The following PIKFYVE variants were observed in gnomAD, a reference collection of about 807,000 sequenced individuals.
PIKFYVE encodes 1-phosphatidylinositol 3-phosphate 5-kinase.
Under a neutral mutation model 257.9 loss-of-function variants are expected in PIKFYVE, and 122 were observed. The observed-to-expected ratio is 0.47, with a 90% CI of 0.41 to 0.55. The LOEUF (loss-of-function observed/expected upper bound fraction) is 0.55, where lower values mean the gene tolerates loss of function less well. PIKFYVE is among the 20% of genes least tolerant of loss of function. The probability of loss-of-function intolerance (pLI) is 0.00; values close to 1 mark genes in which losing one functional copy is unlikely to be tolerated. For synonymous variants in PIKFYVE, 892 were observed against 868.9 expected, an observed-to-expected ratio of 1.03 and a Z score of -0.47; for missense variants, 2,160 against 2,536.6, an observed-to-expected ratio of 0.85 and a Z score of 3.19.
At chr2:208,293,314 ATCTGTTACATCAAC>A (rs1692555932) in intron 7 of PIKFYVE, among the ~76,000 whole-genome samples, 1 of 152,174 alleles carries the variant, frequency 6.6e-6, no homozygotes, top group African/African-American at 2.4e-5. Context: ...AGAAATAGTT[ATCTGTTACATCAAC>A]TAAGAGTAAG....
intron 3 of PIKFYVE, among the ~76,000 whole-genome samples, chr2:208,275,677 C>A (rs1690011603): frequency 1.3e-5 from 2 of 152,196 alleles, no homozygotes; most frequent in Admixed American, 1.3e-4. Flanking sequence ...CCCAACCTCT[C>A]ATTTCTTTGT....
intron 1 of PIKFYVE, among the ~76,000 whole-genome samples, chr2:208,267,525 GAGAC>G (rs1400015963): frequency 5.1e-4 from 2 of 3,916 alleles, no homozygotes; most frequent in Non-Finnish European, 7.8e-4. Context: ...TTTTTTTTGA[GAGAC>G]AGAGTCTCGC....
At chr2:208,309,145 C>CT (rs553887895) in intron 12 of PIKFYVE, among the ~76,000 whole-genome samples, 6 of 148,396 alleles carry the variant, frequency 4.0e-5, no homozygotes, top group Non-Finnish European at 3.0e-5. Flanking sequence ...GAGTTGTTCA[C>CT]TTTTTTTTTT....
chr2:208,293,266 T>A (rs1692548585), intron 7 of PIKFYVE, among the ~76,000 whole-genome samples: 1 of 152,156 alleles, frequency 6.6e-6, no homozygotes, highest in Non-Finnish European at 1.5e-5. Context: ...TAAGCATGCG[T>A]ACATACATAA....
At chr2:208,271,747 C>G (rs1174586019) in intron 2 of PIKFYVE, 56 bp downstream of exon 2, 3 of 1,535,338 alleles carry the variant, frequency 2.0e-6, no homozygotes, top group African/African-American at 1.4e-5. Flanking sequence ...TGAAATGCTC[C>G]TTTGTCTCCA....
intron 17 of PIKFYVE, 86 bp downstream of exon 17, chr2:208,320,445 TCTAG>T (rs1168151688): frequency 7.8e-6 from 12 of 1,530,142 alleles, no homozygotes; most frequent in Non-Finnish European, 1.1e-5. Flanking sequence ...TTGACTTAAT[TCTAG>T]CTAATTAAAT....
chr2:208,314,935 G>C (rs954001721), intron 14 of PIKFYVE, among the ~76,000 whole-genome samples: 6 of 151,958 alleles, frequency 3.9e-5, no homozygotes, highest in Non-Finnish European at 7.4e-5. Context: ...AACTGTGCTT[G>C]TCTGTCCCCA....
intron 27 of PIKFYVE, 65 bp from the exon 28 acceptor site, chr2:208,336,773 A>G (rs1361035109): frequency 3.8e-6 from 4 of 1,060,324 alleles, no homozygotes; most frequent in African/African-American, 3.2e-5. Context: ...GAGAAAATTT[A>G]TAAACAGCAC....
intron 12 of PIKFYVE, among the ~76,000 whole-genome samples, chr2:208,308,705 G>T (rs1418954330): frequency 9.9e-6 from 1 of 100,838 alleles, no homozygotes. Context: ...AACACTAGTA[G>T]TTGGTTTTTT....
In PIKFYVE at chr2:208,348,424, A is replaced by G. The variant is rs148498261; in HGVS notation, c.5374+401A>G. 2.7e-3 allele frequency among the ~76,000 whole-genome samples: 406 copies of G among 152,166 alleles called. 1 individual carries two copies. The highest frequency in any genetic ancestry group is 8.8e-3 in the African/African-American group (365 of 41,510). On this transcript the variant is annotated intron_variant, in intron 35 of 41. Transcript: ENST00000264380. Reference sequence around the variant, plus strand: ...TTCAAGTCCCTGTAAAGTTGCAGCTATTTATGTCCCCTTTCATTTTGACAT... The same window carrying G: ...TTCAAGTCCCTGTAAAGTTGCAGCTGTTTATGTCCCCTTTCATTTTGACAT...
intron 2 of PIKFYVE, among the ~76,000 whole-genome samples, chr2:208,272,739 A>C (rs1689594012): frequency 6.6e-6 from 1 of 152,086 alleles, no homozygotes; most frequent in African/African-American, 2.4e-5. Context: ...TTTATTTATG[A>C]TCATGTTTAA....
At chr2:208,340,161 G>A (rs762304223) in intron 31 of PIKFYVE, 30 bp downstream of exon 31, 2 of 1,611,960 alleles carry the variant, frequency 1.2e-6, no homozygotes, top group South Asian at 1.1e-5. Flanking sequence ...GTGGCTCTTA[G>A]CAGGGGGGTT....
intron 31 of PIKFYVE, among the ~76,000 whole-genome samples, chr2:208,342,173 G>A (rs1362719933): frequency 6.6e-6 from 1 of 152,168 alleles, no homozygotes; most frequent in Non-Finnish European, 1.5e-5. Flanking sequence ...TGTGATAATA[G>A]TAAAGTGGTT....
intron 11 of PIKFYVE, 83 bp from the exon 12 acceptor site, chr2:208,304,763 C>A: frequency 2.9e-6 from 4 of 1,360,700 alleles, no homozygotes; most frequent in Non-Finnish European, 4.2e-6. Flanking sequence ...AAACATTTTT[C>A]TCCTTTCCTC....
At chr2:208,268,185 A>T (rs1034500433) in intron 1 of PIKFYVE, among the ~76,000 whole-genome samples, 6 of 152,050 alleles carry the variant, frequency 3.9e-5, no homozygotes, top group South Asian at 2.1e-4. Context: ...AGGGTTAACT[A>T]TATGATTGGG....
chr2:208,335,909 A>C lies in PIKFYVE; in HGVS notation c.4365+8A>C. The C allele has an allele frequency of 6.2e-7, 1 of 1,600,214 alleles. No individual in the cohort carries two copies. Among genetic ancestry groups the C allele is most frequent in the Non-Finnish European group, 8.6e-7 (1 of 1,168,396 alleles). On this transcript the variant is annotated splice_region_variant and intron_variant, in intron 26 of 41. Coordinates refer to ENST00000264380, the MANE Select transcript of PIKFYVE (RefSeq NM_015040.4). ...ATTTTTGCACAGAAAGAGGTAATTT[A>C]TTTCTTTGGTAGAAAATTCAAAAGT...
At chr2:208,352,823 C>A in intron 39 of PIKFYVE, 41 bp downstream of exon 39, 1 of 1,600,404 alleles carries the variant, frequency 6.2e-7, no homozygotes, top group Non-Finnish European at 8.5e-7. Context: ...GCTACTGGAA[C>A]CTTTTGTACC....
At chr2:208,318,973 T>G (rs1166885551) in intron 16 of PIKFYVE, among the ~76,000 whole-genome samples, 9 of 118,946 alleles carry the variant, frequency 7.6e-5, no homozygotes, top group African/African-American at 2.6e-4. Context: ...AAAAAAAAAG[T>G]AGGCACTTCA....
intron 1 of PIKFYVE, among the ~76,000 whole-genome samples, chr2:208,266,627 G>A (rs551699836): frequency 6.6e-6 from 1 of 152,232 alleles, no homozygotes; most frequent in Non-Finnish European, 1.5e-5. Context: ...CTTGTCTGGC[G>A]AGTGGGGACG....
Sources: gnomAD v4.1 joint callset for allele counts (sites outside exome capture counted in the v4.1 genomes callset) on GRCh38, gnomAD v4.1.1 for gene constraint, MANE v1.5 for transcripts, NCBI Gene and HGNC (gene_info 2026-07-23, HGNC 2026-07-21) for gene names.